The following RBFOX3 variants were observed in gnomAD, a reference collection of about 807,000 sequenced individuals.
RBFOX3 encodes the protein RNA binding protein fox-1 homolog 3.
RBFOX3 carries 17 observed loss-of-function variants against 48.7 expected under a neutral mutation model. The observed-to-expected ratio is 0.35, with a 90% CI of 0.24 to 0.52. The LOEUF (loss-of-function observed/expected upper bound fraction) is 0.52. RBFOX3 is among the 20% of genes least tolerant of loss of function. The pLI is 0.94. For synonymous variants in RBFOX3, 212 were observed against 209.5 expected (o/e 1.01, Z -0.10); for missense variants, 382 against 497.5 (o/e 0.77, Z 2.21).
At chr17:79,378,452 G>A (rs1327298949) in intron 2 of RBFOX3, among the ~76,000 whole-genome samples, 8 of 152,164 alleles carry the variant, frequency 5.3e-5, no homozygotes, top group Admixed American at 2.0e-4. Flanking sequence ...TAAATAATAC[G>A]ATTGAGAGCA....
At chr17:79,148,969 T>C (rs1009669841) in intron 4 of RBFOX3, among the ~76,000 whole-genome samples, 8 of 152,156 alleles carry the variant, frequency 5.3e-5, no homozygotes, top group Non-Finnish European at 1.0e-4. Flanking sequence ...GCTGGAATAA[T>C]TCATTCAAGA....
At chr17:79,504,797 C>T (rs1029510388) in intron 1 of RBFOX3, among the ~76,000 whole-genome samples, 9 of 152,326 alleles carry the variant, frequency 5.9e-5, no homozygotes, top group South Asian at 2.1e-4. Flanking sequence ...TAACATCCAT[C>T]GGCTCTGCAG....
chr17:79,325,849 TC>T (rs1449523624), intron 2 of RBFOX3, among the ~76,000 whole-genome samples: 3 of 152,134 alleles, frequency 2.0e-5, no homozygotes, highest in Admixed American at 6.5e-5. Flanking sequence ...GAGTCGCAGT[TC>T]CGTTTAGCTT....
rs981371401 is a variant in RBFOX3 at position 79,390,364 on chromosome 17, A to C, written c.-174-82540T>G. Among the ~76,000 whole-genome samples the C allele has an allele frequency of 4.1e-4, 62 of 151,670 alleles. 1 individual carries two copies. The highest frequency in any genetic ancestry group is 8.5e-4 in the Non-Finnish European group (58 of 68,030). On this transcript the variant is annotated intron_variant, in intron 2 of 14. Coordinates refer to ENST00000693108, the MANE Select transcript of RBFOX3 (RefSeq NM_001350451.2). The surrounding 1 kb of genome is among the most constrained non-coding windows in gnomAD (Gnocchi z 4.2). Reference sequence around the variant, plus strand: ...ACGCTGTGGTTTCATCACGACCATCACGGCCAGGTGACGGGTTCCAGCTCA... The same window carrying C: ...ACGCTGTGGTTTCATCACGACCATCCCGGCCAGGTGACGGGTTCCAGCTCA...
rs541881270 is a variant in RBFOX3, at chr17:79,316,296, A to T, written c.-174-8472T>A. Among the ~76,000 whole-genome samples, 22 of 152,270 alleles carry T rather than the reference A, an allele frequency of 1.4e-4. No individual in the cohort carries two copies. In the East Asian group the frequency reaches 3.1e-3, roughly 21 times the overall value. On this transcript the variant is annotated intron_variant, in intron 2 of 14. Transcript: ENST00000693108. Reference sequence around the variant, plus strand: ...GGGAAGATCGAACGTCACCCATGAAACAAACAGAGAAGTTTCCAGAGAACA... The same window carrying T: ...GGGAAGATCGAACGTCACCCATGAATCAAACAGAGAAGTTTCCAGAGAACA...
chr17:79,259,465 C>G (rs555986080), intron 3 of RBFOX3, among the ~76,000 whole-genome samples: 35 of 152,302 alleles, frequency 2.3e-4, no homozygotes, highest in African/African-American at 7.5e-4. Flanking sequence ...GGGGTCATCG[C>G]CAGAGAAGAG....
chr17:79,390,087 CAGCCTCCGGGTCTCCGT>C lies in RBFOX3; in HGVS notation c.-174-82280_-174-82264del, dbSNP rs2061183467. Reference sequence around the variant, plus strand: ...GGTCTCCGCAGCCTCCGGGTCTCCGCAGCCTCCGGGTCTCCGTAGCCAGCCACCCGGCCGAGGGGCTG... The same window carrying C: ...GGTCTCCGCAGCCTCCGGGTCTCCGCAGCCAGCCACCCGGCCGAGGGGCTG... On this transcript the variant is annotated intron_variant, in intron 2 of 14. Transcript: ENST00000693108. This position sits in a 1 kb window ranked among gnomAD's most constrained non-coding sequence, Gnocchi z 4.2. 2.0e-5 allele frequency among the ~76,000 whole-genome samples: 3 copies of C among 151,502 alleles called. No individual in the cohort carries two copies. The highest frequency in any genetic ancestry group is 4.9e-5 in the African/African-American group (2 of 40,994).
chr17:79,604,889 A>G lies in RBFOX3; in HGVS notation c.-320+5937T>C, dbSNP rs1379686562. On this transcript the variant is annotated intron_variant, in intron 1 of 14. Coordinates refer to ENST00000693108, the MANE Select transcript of RBFOX3 (RefSeq NM_001350451.2). ...GCCTAAAAGCAAACGATCCGGAGAC[A>G]TGAGCCTGGCCCAGGAATCGGCATT... 1.8e-4 allele frequency among the ~76,000 whole-genome samples: 28 copies of G among 152,216 alleles called. 1 individual carries two copies. Among genetic ancestry groups the G allele is most frequent in the African/African-American group, 6.8e-4 (28 of 41,464 alleles).
At chr17:79,325,379 G>T (rs2079145215) in intron 2 of RBFOX3, among the ~76,000 whole-genome samples, 1 of 152,124 alleles carries the variant, frequency 6.6e-6, no homozygotes, top group African/African-American at 2.4e-5. Flanking sequence ...TTGAAAGAAA[G>T]AGCTATGGCA....
At chr17:79,104,531 C>T (rs2077017865) in intron 6 of RBFOX3, among the ~76,000 whole-genome samples, 1 of 152,128 alleles carries the variant, frequency 6.6e-6, no homozygotes, top group Non-Finnish European at 1.5e-5. Context: ...TAGGACATGG[C>T]CACTTGGAAA....
intron 2 of RBFOX3, among the ~76,000 whole-genome samples, chr17:79,460,734 A>G (rs959884384): frequency 6.6e-6 from 1 of 152,144 alleles, no homozygotes; most frequent in Non-Finnish European, 1.5e-5. Context: ...GGTTTGTTAT[A>G]AAAGTGAGTT....
intron 1 of RBFOX3, among the ~76,000 whole-genome samples, chr17:79,564,669 GC>G (rs2092387654): frequency 6.6e-6 from 1 of 152,172 alleles, no homozygotes; most frequent in Non-Finnish European, 1.5e-5. Flanking sequence ...AACCCAAACA[GC>G]CGACAGTACA....
intron 2 of RBFOX3, among the ~76,000 whole-genome samples, chr17:79,370,356 C>G (rs986711299): frequency 6.6e-6 from 1 of 152,216 alleles, no homozygotes; most frequent in African/African-American, 2.4e-5. Flanking sequence ...TTGACACTTG[C>G]AGAATGCACT....
chr17:79,182,450 G>C (rs1358947364), intron 4 of RBFOX3, among the ~76,000 whole-genome samples: 1 of 152,182 alleles, frequency 6.6e-6, no homozygotes, highest in African/African-American at 2.4e-5. Flanking sequence ...TGGGGGAGAC[G>C]AGGGAGTCCC....
At chr17:79,605,990 C>G (rs1361411455) in intron 1 of RBFOX3, among the ~76,000 whole-genome samples, 19 of 152,210 alleles carry the variant, frequency 1.2e-4, no homozygotes, top group African/African-American at 4.6e-4. Flanking sequence ...GAGGAGAGCA[C>G]CCCATCCCTT....
intron 4 of RBFOX3, among the ~76,000 whole-genome samples, chr17:79,171,193 G>T (rs2049205023): frequency 6.6e-6 from 1 of 152,242 alleles, no homozygotes; most frequent in Admixed American, 6.5e-5. Context: ...TGTGTATATT[G>T]ATTAAATGCT....
At chr17:79,172,552 G>A (rs917856093) in intron 4 of RBFOX3, among the ~76,000 whole-genome samples, 3 of 152,230 alleles carry the variant, frequency 2.0e-5, no homozygotes, top group African/African-American at 7.2e-5. Flanking sequence ...CGATTCCAAG[G>A]GAGGCGGCTT....
intron 13 of RBFOX3, among the ~76,000 whole-genome samples, chr17:79,094,758 GT>G (rs1379986549): frequency 1.5e-4 from 22 of 147,604 alleles, no homozygotes; most frequent in African/African-American, 4.5e-4. Flanking sequence ...TGCCCACAGT[GT>G]GCTGACCCTG....
At chr17:79,114,909 C>T (rs952552099) in intron 5 of RBFOX3, among the ~76,000 whole-genome samples, 1 of 152,250 alleles carries the variant, frequency 6.6e-6, no homozygotes, top group Admixed American at 6.5e-5. Flanking sequence ...GCTCTCTTTG[C>T]TCTCAGGAAA....
Sources: gnomAD v4.1 joint callset for allele counts (sites outside exome capture counted in the v4.1 genomes callset) on GRCh38, gnomAD v4.1.1 for gene constraint, Gnocchi (gnomAD v3.1) non-coding constraint, MANE v1.5 for transcripts, NCBI Gene and HGNC (gene_info 2026-07-23, HGNC 2026-07-21) for gene names.